The following CKAP5 variants were observed in gnomAD, a reference collection of about 807,000 sequenced individuals.
CKAP5 encodes the protein cytoskeleton-associated protein 5.
Under a neutral mutation model 232.8 loss-of-function variants are expected in CKAP5, and 27 were observed. That is an observed-to-expected ratio of 0.12 (90% CI 0.09 to 0.16). The LOEUF (loss-of-function observed/expected upper bound fraction) is 0.16. CKAP5 is among the 10% of genes least tolerant of loss of function. The pLI, the probability that CKAP5 is intolerant of heterozygous loss-of-function variation, is 1.00. For missense variants in CKAP5, 1,838 were observed against 2,424.7 expected, an observed-to-expected ratio of 0.76 and a Z score of 5.08; for synonymous variants, 785 against 841.1, an observed-to-expected ratio of 0.93 and a Z score of 1.16.
chr11:46,831,578 G>C (rs1483871664), intron 1 of CKAP5, among the ~76,000 whole-genome samples: 1 of 152,186 alleles, frequency 6.6e-6, no homozygotes, highest in African/African-American at 2.4e-5. Flanking sequence ...GCCCAGGCTG[G>C]AGTATGGTGG....
At chr11:46,796,646 A>T (rs1248490988) in intron 12 of CKAP5, among the ~76,000 whole-genome samples, 166 bp downstream of exon 12, 63 of 152,322 alleles carry the variant, frequency 4.1e-4, no homozygotes, top group African/African-American at 1.4e-3. Flanking sequence ...CATCCTCCAA[A>T]ACTTGTTTCA....
rs531898643 is a variant in CKAP5, at chr11:46,836,529, A to G, written c.-38+9691T>C. Among the ~76,000 whole-genome samples, 26 of 152,312 alleles carry G rather than the reference A, an allele frequency of 1.7e-4. No homozygotes were observed. The East Asian group carries it at 5.0e-3, about 29-fold the overall frequency. The stretch of plus-strand genomic sequence containing the variant: ...GGAGTTTGAGACCAGCCTGGTCAAC[A>G]CAGTGAGACCCCATCTCTTTAAAAT... On this transcript the variant is annotated intron_variant, in intron 1 of 43. Coordinates refer to ENST00000529230, the MANE Select transcript of CKAP5 (RefSeq NM_001008938.4).
intron 35 of CKAP5, among the ~76,000 whole-genome samples, chr11:46,758,056 A>T (rs2065124274): frequency 6.6e-6 from 1 of 151,936 alleles, no homozygotes; most frequent in South Asian, 2.1e-4. Context: ...CCCACCCATG[A>T]CTTCTCTTTT....
At chr11:46,773,846 AT>A (rs1333460360) in intron 24 of CKAP5, among the ~76,000 whole-genome samples, 1 of 152,084 alleles carries the variant, frequency 6.6e-6, no homozygotes, top group East Asian at 1.9e-4. Flanking sequence ...CCCAGCCTCT[AT>A]TTTTATGTTC....
intron 1 of CKAP5, among the ~76,000 whole-genome samples, chr11:46,828,641 T>A (rs1037873): frequency 0.02 from 2,991 of 152,290 alleles, 97 homozygotes; most frequent in African/African-American, 0.068. Context: ...GCAATAAACA[T>A]AGTACAATGA....
intron 24 of CKAP5, 111 bp downstream of exon 24, chr11:46,776,144 G>T: frequency 1.1e-6 from 1 of 896,208 alleles, no homozygotes; most frequent in Non-Finnish European, 1.6e-6. Context: ...TTTATTAACT[G>T]TTTTATAATG....
chr11:46,825,386 G>C (rs978734159), intron 1 of CKAP5, among the ~76,000 whole-genome samples: 3 of 152,128 alleles, frequency 2.0e-5, no homozygotes, highest in Non-Finnish European at 4.4e-5. Flanking sequence ...CTACTTCTCA[G>C]TCTGTCTCTC....
chr11:46,789,882 T>C (rs1455015826), intron 15 of CKAP5, among the ~76,000 whole-genome samples, 194 bp downstream of exon 15: 4 of 152,156 alleles, frequency 2.6e-5, no homozygotes, highest in African/African-American at 4.8e-5. Context: ...ATAAAGGCCA[T>C]AGAATACTGA....
intron 1 of CKAP5, among the ~76,000 whole-genome samples, chr11:46,835,575 G>GA (rs1219573200): frequency 2.0e-5 from 3 of 152,052 alleles, no homozygotes; most frequent in African/African-American, 7.2e-5. Context: ...TTATTCGACG[G>GA]AAAAAAATAG....
rs534011473 is a variant in CKAP5, at chr11:46,796,945, A to G, written c.1339-5T>C. 3.3e-5 allele frequency: 53 copies of G among 1,613,498 alleles called. No individual in the cohort carries two copies. The South Asian group carries it at 3.5e-4, about 11-fold the overall frequency. On this transcript the variant is annotated splice_region_variant and splice_polypyrimidine_tract_variant and intron_variant, in intron 11 of 43. Transcript: ENST00000529230. ...AGGAGCAGAATCATTGATGTGCTAT[A>G]GTCCAGAAGTAAGCAAAATGATATT...
chr11:46,783,306 T>A lies in CKAP5; in HGVS notation c.2217A>T (p.Leu739=). The change falls in exon 18 of 44, where the codon CTA becomes CTT. Residue 739 remains leucine (L), a synonymous_variant. Coordinates refer to ENST00000529230, the MANE Select transcript of CKAP5 (RefSeq NM_001008938.4). The stretch of plus-strand genomic sequence containing the variant: ...AACCAAATTCTTTTATGGCATTTGA[T>A]AGCCAATTCAGAGTTTCTGACTGAT... ...PKNQSETLNW[L]SNAIKEFGFS... 1 of 1,612,460 alleles carries A rather than the reference T, an allele frequency of 6.2e-7. No homozygotes were observed.
chr11:46,842,198 GCTT>G (rs1423065304), intron 1 of CKAP5, among the ~76,000 whole-genome samples: 3 of 152,144 alleles, frequency 2.0e-5, no homozygotes, highest in African/African-American at 7.2e-5. Context: ...AACAGAAAGT[GCTT>G]CTAAGACCTC....
chr11:46,823,125 C>T (rs560074494), intron 1 of CKAP5, among the ~76,000 whole-genome samples: 5 of 152,182 alleles, frequency 3.3e-5, no homozygotes, highest in African/African-American at 1.2e-4. Flanking sequence ...TGTGCACCAC[C>T]ATGCTCGGCT....
intron 18 of CKAP5, among the ~76,000 whole-genome samples, chr11:46,781,067 A>G (rs868294164): frequency 2.5e-4 from 38 of 152,208 alleles, no homozygotes; most frequent in South Asian, 1.7e-3. Flanking sequence ...TGATATTTCC[A>G]TTTGTATGCC....
At chr11:46,827,921 G>A (rs546342908) in intron 1 of CKAP5, among the ~76,000 whole-genome samples, 46 of 152,250 alleles carry the variant, frequency 3.0e-4, no homozygotes, top group African/African-American at 1.0e-3. Flanking sequence ...AGTTTACAAG[G>A]TTTGACTGCA....
chr11:46,803,073 G>A (rs1939071548), intron 8 of CKAP5, among the ~76,000 whole-genome samples: 1 of 151,806 alleles, frequency 6.6e-6, no homozygotes, highest in African/African-American at 2.4e-5. Flanking sequence ...AGACCAACCT[G>A]GGCAACATAG....
At chr11:46,789,087 G>C (rs1165456147) in intron 15 of CKAP5, among the ~76,000 whole-genome samples, 2 of 152,184 alleles carry the variant, frequency 1.3e-5, no homozygotes, top group African/African-American at 4.8e-5. Context: ...CATTTGCCTA[G>C]TGTGTGGCAG....
intron 8 of CKAP5, among the ~76,000 whole-genome samples, chr11:46,804,354 G>A (rs1422798961): frequency 6.6e-6 from 1 of 152,148 alleles, no homozygotes; most frequent in African/African-American, 2.4e-5. Flanking sequence ...TAGGGAAGAT[G>A]GAGAAGTGTT....
At chr11:46,768,475 C>T (rs1187857009) in intron 26 of CKAP5, among the ~76,000 whole-genome samples, 2 of 152,162 alleles carry the variant, frequency 1.3e-5, no homozygotes, top group Non-Finnish European at 2.9e-5. Flanking sequence ...CCATGCCCAG[C>T]CCAGACTGAT....
Sources: gnomAD v4.1 joint callset for allele counts (sites outside exome capture counted in the v4.1 genomes callset) on GRCh38, gnomAD v4.1.1 for gene constraint, MANE v1.5 for transcripts, NCBI Gene and HGNC (gene_info 2026-07-23, HGNC 2026-07-21) for gene names.